Variants in SLC25A25 observed in about 807,000 individuals in gnomAD.
SLC25A25 encodes the protein solute carrier family 25 member 25.
In SLC25A25, 32 loss-of-function variants were observed where a neutral mutation model predicts 57.7. The ratio of observed to expected loss-of-function variants is 0.55; its 90% confidence interval spans 0.42 to 0.74. The LOEUF (loss-of-function observed/expected upper bound fraction) is 0.74. Among genes scored for constraint, SLC25A25 ranks in the 30% least tolerant of loss-of-function variants. SLC25A25 has a pLI of 0.00. For missense variants in SLC25A25, 556 were observed against 701.3 expected, an observed-to-expected ratio of 0.79 and a Z score of 2.34; for synonymous variants, 306 against 291.2, an observed-to-expected ratio of 1.05 and a Z score of -0.52.
At chr9:128,092,359 C>G (rs1291642784) in intron 1 of SLC25A25, among the ~76,000 whole-genome samples, 1 of 152,160 alleles carries the variant, frequency 6.6e-6, no homozygotes, top group Non-Finnish European at 1.5e-5. Flanking sequence ...GTTAGTTTGG[C>G]TGAAGAAAGC....
chr9:128,101,130 G>A lies in SLC25A25; in HGVS notation c.296G>A (p.Gly99Glu), dbSNP rs776822595. 1 of 1,614,226 alleles carries A rather than the reference G, an allele frequency of 6.2e-7. No individual in the cohort carries two copies. The change falls in exon 2 of 11, where the codon GGG becomes GAG. Residue 99 changes from glycine (G) to glutamate (E), a missense_variant. Physicochemically the swap from Gly to Glu is moderately conservative, Grantham distance 98. This residue lies in a region of SLC25A25 where 248 missense variants were observed against 273.5 expected (regional missense o/e 0.91). Transcript: ENST00000373069. The surrounding 1 kb of genome is among the most constrained non-coding windows in gnomAD (Gnocchi z 4.9). Reference sequence around the variant, plus strand: ...CAAGCTGGAGATAAGGACCTTGATGGGCAGCTAGACTTTGAAGAATTTGTC... The same window carrying A: ...CAAGCTGGAGATAAGGACCTTGATGAGCAGCTAGACTTTGAAGAATTTGTC... ...IVQAGDKDLD[G>E]QLDFEEFVHY...
At position 128,101,504 on chromosome 9, in the gene SLC25A25, C is replaced by A; in HGVS notation, c.476+108C>A. 7.6e-7 allele frequency: 1 copy of A among 1,309,240 alleles called. No homozygotes were observed. The highest frequency in any genetic ancestry group is 1.1e-6 in the Non-Finnish European group (1 of 940,632). The allele number at this position is 1,309,240 out of a possible 1,614,324, so 81.1% of individuals were successfully genotyped here. Reference sequence around the variant, plus strand: ...GGGCTGACCCTGAACTTGGCCTTCTCGTGGTTTGAAAGGATGAATAAGTAA... The same window carrying A: ...GGGCTGACCCTGAACTTGGCCTTCTAGTGGTTTGAAAGGATGAATAAGTAA... On this transcript the variant is annotated intron_variant, in intron 3 of 10. Transcript: ENST00000373069. This position sits in a 1 kb window ranked among gnomAD's most constrained non-coding sequence, Gnocchi z 4.9.
At chr9:128,076,336 G>A (rs1402330392) in intron 1 of SLC25A25, among the ~76,000 whole-genome samples, 1 of 151,798 alleles carries the variant, frequency 6.6e-6, no homozygotes, top group African/African-American at 2.4e-5. Context: ...TTCCTATGTT[G>A]CTCAGGCTGG....
At chr9:128,071,873 C>T (rs959485508) in intron 1 of SLC25A25, among the ~76,000 whole-genome samples, 2 of 148,690 alleles carry the variant, frequency 1.3e-5, no homozygotes, top group South Asian at 4.2e-4. Context: ...CACCATGGCC[C>T]GGCTAATTTT....
intron 6 of SLC25A25, among the ~76,000 whole-genome samples, chr9:128,104,182 G>A (rs1454543928): frequency 6.6e-6 from 1 of 152,210 alleles, no homozygotes; most frequent in Non-Finnish European, 1.5e-5. Context: ...ACCTGACCCA[G>A]ATGCCAATGG....
chr9:128,094,128 A>G (rs953618125), intron 1 of SLC25A25, among the ~76,000 whole-genome samples: 3 of 152,164 alleles, frequency 2.0e-5, no homozygotes, highest in African/African-American at 7.2e-5. Context: ...AGCCTGGGTG[A>G]CAGAGCAAGA....
chr9:128,088,769 G>T (rs979484806), intron 1 of SLC25A25, among the ~76,000 whole-genome samples: 1 of 152,086 alleles, frequency 6.6e-6, no homozygotes, highest in South Asian at 2.1e-4. Context: ...TCATAACTCA[G>T]TTCTGTGGTA....
intron 1 of SLC25A25, among the ~76,000 whole-genome samples, chr9:128,093,477 C>T (rs1003426349): frequency 1.3e-5 from 2 of 152,236 alleles, no homozygotes; most frequent in African/African-American, 4.8e-5. Context: ...CTTGCCAGCT[C>T]TCCCCCCAGG....
Position 128,101,063 on chromosome 9 carries a change from G to A in SLC25A25, c.262-33G>A, listed in dbSNP as rs1833771896. ...GGGACAAGGAAAGGCTGGTCCAGGA[G>A]CCAAAAGACAAAATGTTACCTTTCT... On this transcript the variant is annotated intron_variant, in intron 1 of 10. Coordinates refer to ENST00000373069, the MANE Select transcript of SLC25A25 (RefSeq NM_001330988.2). This position sits in a 1 kb window ranked among gnomAD's most constrained non-coding sequence, Gnocchi z 4.9. 1.2e-6 allele frequency: 2 copies of A among 1,613,130 alleles called. No homozygotes were observed. Among genetic ancestry groups the A allele is most frequent in the Non-Finnish European group, 1.7e-6 (2 of 1,179,790 alleles).
chr9:128,075,713 G>A (rs528429039), intron 1 of SLC25A25, among the ~76,000 whole-genome samples: 234 of 151,802 alleles, frequency 1.5e-3, no homozygotes, highest in Non-Finnish European at 2.8e-3. Context: ...GCGTTGTGGT[G>A]TGCACCAGTA....
chr9:128,080,250 C>CA (rs67092008), intron 1 of SLC25A25, among the ~76,000 whole-genome samples: 3,474 of 140,738 alleles, frequency 0.025, 77 homozygotes, highest in African/African-American at 0.065. Context: ...AACAAAAAAA[C>CA]AAAAAAAAAA....
chr9:128,080,804 A>C (rs1388679457), intron 1 of SLC25A25, among the ~76,000 whole-genome samples: 2 of 152,172 alleles, frequency 1.3e-5, no homozygotes, highest in Non-Finnish European at 2.9e-5. Context: ...GTTGGAATCC[A>C]TATAATGTTA....
rs117703096 is a variant in SLC25A25, at chr9:128,100,216, A to G, written c.262-880A>G. ...TTGCGAGGGGGGTAAGTGGGTTGCT[A>G]GAAGTAAAGCATTTGGCACGCCCTG... On this transcript the variant is annotated intron_variant, in intron 1 of 10. Coordinates refer to ENST00000373069, the MANE Select transcript of SLC25A25 (RefSeq NM_001330988.2). Among the ~76,000 whole-genome samples, 425 of 152,190 alleles carry G rather than the reference A, an allele frequency of 2.8e-3. 2 individuals carry two copies. The highest frequency in any genetic ancestry group is 0.012 in the Admixed American group (181 of 15,294).
chr9:128,104,242 CAG>C (rs1564194735), intron 6 of SLC25A25, among the ~76,000 whole-genome samples: 1 of 152,232 alleles, frequency 6.6e-6, no homozygotes, highest in Non-Finnish European at 1.5e-5. Flanking sequence ...GTCCACACAG[CAG>C]AGATAAGCTG....
chr9:128,068,236 A>G lies in SLC25A25; in HGVS notation c.-84A>G, dbSNP rs1832821120. 1.3e-6 allele frequency: 1 copy of G among 756,322 alleles called. No individual in the cohort carries two copies. The highest frequency in any genetic ancestry group is 4.5e-5 in the Admixed American group (1 of 22,140). The allele number at this position is 756,322 out of a possible 1,614,324, so 46.9% of individuals were successfully genotyped here. Reference sequence around the variant, plus strand: ...TCCGAGCCCGCGCTCCCAGCTGCAGAGCGCCTGGCTTGCCTCCCGCGCGGT... The same window carrying G: ...TCCGAGCCCGCGCTCCCAGCTGCAGGGCGCCTGGCTTGCCTCCCGCGCGGT... On this transcript the variant is annotated 5_prime_UTR_variant, in exon 1 of 11. Coordinates refer to ENST00000373069, the MANE Select transcript of SLC25A25 (RefSeq NM_001330988.2).
chr9:128,105,657 C>A, intron 6 of SLC25A25, 72 bp from the exon 7 acceptor site: 4 of 1,608,924 alleles, frequency 2.5e-6, no homozygotes, highest in Admixed American at 1.7e-5. Flanking sequence ...GGTTGGCCAG[C>A]AGAGGCTCTT....
Position 128,105,990 on chromosome 9 carries a change from C to A in SLC25A25, c.936+109C>A, listed in dbSNP as rs111944785. ...CTGACACTTGGAGCCAGCCGTGGTA[C>A]CCCAGGGACAGCAGGGCGAGGCAGG... On this transcript the variant is annotated intron_variant, in intron 7 of 10. Coordinates refer to ENST00000373069, the MANE Select transcript of SLC25A25 (RefSeq NM_001330988.2). 1.0e-3 allele frequency: 1,578 copies of A among 1,544,094 alleles called. 8 individuals carry two copies. The Middle Eastern group carries it at 0.013, about 13-fold the overall frequency.
At position 128,083,235 on chromosome 9, in the gene SLC25A25, AAAAATAAATAAAT is replaced by A. The variant is rs1243962766; in HGVS notation, c.261+14660_261+14672del. Among the ~76,000 whole-genome samples the A allele has an allele frequency of 8.0e-4, 49 of 61,260 alleles. 3 individuals carry two copies. Among genetic ancestry groups the A allele is most frequent in the Non-Finnish European group, 1.6e-3 (29 of 18,470 alleles). 40.2% of individuals were successfully genotyped at this position (61,260 alleles called of 152,430 possible). A position where few individuals can be genotyped will look rare whatever the true frequency, so the allele number is the denominator to read the frequency against. On this transcript the variant is annotated intron_variant, in intron 1 of 10. Coordinates refer to ENST00000373069, the MANE Select transcript of SLC25A25 (RefSeq NM_001330988.2). ...AGAGTGAGACTCCGTCTCAAAAAAA[AAAAATAAATAAAT>A]AAAAGTGTTTTTTTTTGTTTGTTTT...
chr9:128,080,875 T>C (rs1028228430), intron 1 of SLC25A25, among the ~76,000 whole-genome samples: 1 of 152,206 alleles, frequency 6.6e-6, no homozygotes, highest in Admixed American at 6.5e-5. Flanking sequence ...CTGGAGAAGT[T>C]AAGCAATTTG....
Sources: allele counts gnomAD v4.1 joint callset (sites outside exome capture counted in the v4.1 genomes callset), GRCh38; gene constraint gnomAD v4.1.1; regional missense constraint gnomAD v4.1.1; non-coding constraint Gnocchi (gnomAD v3.1); transcripts MANE v1.5; gene names NCBI Gene and HGNC (gene_info 2026-07-23, HGNC 2026-07-21).